Variants in KCNMA1 observed in about 807,000 individuals in gnomAD.
KCNMA1 encodes potassium calcium-activated channel subfamily M alpha 1, also known as Calcium-activated potassium channel subunit alpha-1.
A neutral mutation model predicts 140.0 loss-of-function variants in KCNMA1; 29 were observed. The observed-to-expected ratio is 0.21, with a 90% CI of 0.15 to 0.28. The LOEUF (loss-of-function observed/expected upper bound fraction) is 0.28. Ranked by LOEUF, KCNMA1 falls within the 10% of genes least tolerant of loss-of-function variation. The probability of loss-of-function intolerance (pLI) is 1.00; values close to 1 mark genes in which losing one functional copy is unlikely to be tolerated. For missense variants in KCNMA1, 880 were observed against 1,602.2 expected (o/e 0.55, Z 7.70); for synonymous variants, 612 against 611.9 (o/e 1.00, Z 0.00).
intron 2 of KCNMA1, among the ~76,000 whole-genome samples, chr10:77,342,655 G>C (rs1367398311): frequency 6.6e-6 from 1 of 152,174 alleles, no homozygotes; most frequent in Non-Finnish European, 1.5e-5. Flanking sequence ...AACATGAAAG[G>C]TGCTATTATC....
chr10:77,409,445 C>T (rs1218546507), intron 1 of KCNMA1, among the ~76,000 whole-genome samples: 1 of 152,190 alleles, frequency 6.6e-6, no homozygotes, highest in Non-Finnish European at 1.5e-5. Context: ...TGCTCTGTTT[C>T]CCTTATCTCT....
At chr10:77,175,069 T>G (rs2098740842) in intron 5 of KCNMA1, among the ~76,000 whole-genome samples, 1 of 152,084 alleles carries the variant, frequency 6.6e-6, no homozygotes, top group African/African-American at 2.4e-5. Context: ...GAGTGCTTGT[T>G]AAAACACAGA....
chr10:77,411,517 CAG>C (rs551179311), intron 1 of KCNMA1, among the ~76,000 whole-genome samples: 78 of 152,296 alleles, frequency 5.1e-4, no homozygotes, highest in African/African-American at 1.9e-3. Context: ...CAGGAAGACA[CAG>C]TGTGAATTTA....
intron 1 of KCNMA1, among the ~76,000 whole-genome samples, chr10:77,516,363 C>T (rs1225035054): frequency 6.6e-6 from 1 of 152,116 alleles, no homozygotes; most frequent in Non-Finnish European, 1.5e-5. Flanking sequence ...TTTCCCATTC[C>T]CTGTTTCATT....
chr10:77,072,982 T>C (rs2096266942), intron 14 of KCNMA1, 115 bp downstream of exon 14: 1 of 991,024 alleles, frequency 1.0e-6, no homozygotes, highest in Non-Finnish European at 1.6e-6. Flanking sequence ...GAATTTCTCC[T>C]TAACCCAAGT....
intron 17 of KCNMA1, chr10:77,012,627 A>G (rs989547452): frequency 5.5e-6 from 7 of 1,281,116 alleles, no homozygotes; most frequent in Non-Finnish European, 6.6e-6. Flanking sequence ...GGAGTTTCAC[A>G]GCTTATTTTA....
At chr10:77,147,745 CA>C (rs1239685896) in intron 5 of KCNMA1, 1 of 152,266 alleles carries the variant, frequency 6.6e-6, no homozygotes, top group East Asian at 1.9e-4. Context: ...CACATGGCCC[CA>C]ACTTTTCCTC....
chr10:77,636,694 C>T, intron 1 of KCNMA1: 17 of 1,529,672 alleles, frequency 1.1e-5, no homozygotes, highest in Non-Finnish European at 1.4e-5. Flanking sequence ...CTCGAAGTCC[C>T]CCTGTTATCT....
intron 7 of KCNMA1, among the ~76,000 whole-genome samples, chr10:77,111,832 GC>G (rs1382836829): frequency 6.6e-6 from 1 of 152,198 alleles, no homozygotes; most frequent in Admixed American, 6.5e-5. Context: ...GGGAAAGTCT[GC>G]CTTCGGGTGG....
At chr10:77,157,002 C>T (rs1337222889) in intron 5 of KCNMA1, among the ~76,000 whole-genome samples, 1 of 152,230 alleles carries the variant, frequency 6.6e-6, no homozygotes, top group East Asian at 1.9e-4. Flanking sequence ...CCCTAGTCCT[C>T]CAGGGTGGCC....
intron 2 of KCNMA1, among the ~76,000 whole-genome samples, chr10:77,267,965 A>AC (rs1260794577): frequency 6.6e-6 from 1 of 152,186 alleles, no homozygotes; most frequent in Non-Finnish European, 1.5e-5. Flanking sequence ...ACGCTTCTTG[A>AC]CAGTAGACCC....
chr10:77,492,551 C>T (rs995574880), intron 1 of KCNMA1, among the ~76,000 whole-genome samples: 3 of 152,146 alleles, frequency 2.0e-5, no homozygotes, highest in Non-Finnish European at 2.9e-5. Flanking sequence ...TCTAGATTTT[C>T]GAGATGATGA....
intron 17 of KCNMA1, chr10:77,012,556 G>T (rs1257237153): frequency 1.9e-6 from 3 of 1,549,888 alleles, no homozygotes; most frequent in Admixed American, 2.0e-5. Flanking sequence ...AGTTGAGGAG[G>T]TCTGCAGAGA....
At chr10:76,963,163 T>C (rs1304948081) in intron 20 of KCNMA1, among the ~76,000 whole-genome samples, 2 of 152,168 alleles carry the variant, frequency 1.3e-5, no homozygotes, top group Non-Finnish European at 2.9e-5. Flanking sequence ...GGTTCTCCAG[T>C]GCAAAGTCTG....
chr10:77,331,483 C>G (rs983789676), intron 2 of KCNMA1, among the ~76,000 whole-genome samples: 1 of 151,870 alleles, frequency 6.6e-6, no homozygotes, highest in Non-Finnish European at 1.5e-5. Flanking sequence ...TTATAAATAT[C>G]AATATTCAAA....
chr10:76,968,838 A>G (rs918087780), intron 20 of KCNMA1, among the ~76,000 whole-genome samples: 2 of 152,236 alleles, frequency 1.3e-5, no homozygotes, highest in Admixed American at 6.5e-5. Flanking sequence ...CCTCAACCAC[A>G]TGAAGAAAGA....
intron 1 of KCNMA1, chr10:77,433,837 C>A (rs962409247): frequency 6.6e-6 from 1 of 152,190 alleles, no homozygotes; most frequent in African/African-American, 2.4e-5. Context: ...TCCTTCCTGG[C>A]TGATCGATTT....
At chr10:77,245,212 C>T (rs1461886508) in intron 3 of KCNMA1, among the ~76,000 whole-genome samples, 7 of 152,182 alleles carry the variant, frequency 4.6e-5, no homozygotes, top group Admixed American at 2.0e-4. Context: ...CAGAACACTA[C>T]CTAGAAAGGC....
chr10:77,480,377 A>T (rs1447358898), intron 1 of KCNMA1, among the ~76,000 whole-genome samples: 1 of 152,204 alleles, frequency 6.6e-6, no homozygotes, highest in Non-Finnish European at 1.5e-5. Flanking sequence ...TCCCAGTCAT[A>T]AAACCCTGGT....
Sources: allele counts gnomAD v4.1 joint callset (sites outside exome capture counted in the v4.1 genomes callset), GRCh38; gene constraint gnomAD v4.1.1; transcripts MANE v1.5; gene names NCBI Gene and HGNC (gene_info 2026-07-23, HGNC 2026-07-21).